The following UBXN2B variants were observed in gnomAD, a reference collection of about 807,000 sequenced individuals.
UBXN2B encodes the protein UBX domain protein 2B.
Under a neutral mutation model 37.5 loss-of-function variants are expected in UBXN2B, and 19 were observed. That is an observed-to-expected ratio of 0.51 (90% CI 0.35 to 0.74). The LOEUF (loss-of-function observed/expected upper bound fraction) is 0.74, where lower values mean the gene tolerates loss of function less well. UBXN2B is among the 30% of genes least tolerant of loss of function. The pLI, the probability that UBXN2B is intolerant of heterozygous loss-of-function variation, is 0.01. For synonymous variants in UBXN2B, 145 were observed against 143.8 expected (o/e 1.01, Z -0.06); for missense variants, 370 against 393.2 (o/e 0.94, Z 0.50).
In UBXN2B at chr8:58,433,790, TAAAA is replaced by T. The variant is rs1364215151; in HGVS notation, c.423+551_423+554del. On this transcript the variant is annotated intron_variant, in intron 4 of 7. Coordinates refer to ENST00000399598, the MANE Select transcript of UBXN2B (RefSeq NM_001077619.2). ...GGATCTTTAAGATAAAAAAATCAAT[TAAAA>T]AAAGAAAAATGAACAAATATATAGT... Among the ~76,000 whole-genome samples, 4 of 151,776 alleles carry T rather than the reference TAAAA, an allele frequency of 2.6e-5. No individual in the cohort carries two copies. In the South Asian group the frequency reaches 8.3e-4, roughly 32 times the overall value.
rs1808791852 is a variant in UBXN2B at position 58,451,170 on chromosome 8, T to C, written c.*3619T>C. ...AAATTATTTGAAATTTTCTTGTTTT[T>C]ATCAGTTGAGTGCCTATAGATGCAC... On this transcript the variant is annotated 3_prime_UTR_variant, in exon 8 of 8. Coordinates refer to ENST00000399598, the MANE Select transcript of UBXN2B (RefSeq NM_001077619.2). The C allele has an allele frequency of 6.6e-6, 1 of 152,626 alleles. No individual in the cohort carries two copies. The highest frequency in any genetic ancestry group is 1.5e-5 in the Non-Finnish European group (1 of 68,042). 9.5% of individuals were successfully genotyped at this position (152,626 alleles called of 1,614,324 possible).
At position 58,428,214 on chromosome 8, in the gene UBXN2B, A is replaced by G. The variant is rs867052493; in HGVS notation, c.189-2305A>G. 5.9e-5 allele frequency among the ~76,000 whole-genome samples: 9 copies of G among 152,342 alleles called. No homozygotes were observed. The Middle Eastern group carries it at 0.01, about 173-fold the overall frequency. On this transcript the variant is annotated intron_variant, in intron 2 of 7. Transcript: ENST00000399598. ...CGGGAAAGATGGGTACCAGTCGCAG[A>G]TAATATGTTTAAGGTTTGGGTAATC...
chr8:58,424,487 C>G, intron 2 of UBXN2B: 1 of 620,180 alleles, frequency 1.6e-6, no homozygotes, highest in Non-Finnish European at 2.9e-6. Context: ...CTTCCAAATC[C>G]AAATTTGGTC....
intron 6 of UBXN2B, 67 bp downstream of exon 6, chr8:58,439,837 CA>C: frequency 6.6e-7 from 1 of 1,522,670 alleles, no homozygotes; most frequent in South Asian, 1.3e-5. Context: ...ATAAGAAAAG[CA>C]AAATGACCTA....
chr8:58,426,550 T>A, intron 2 of UBXN2B: 1 of 749,182 alleles, frequency 1.3e-6, no homozygotes, highest in Non-Finnish European at 2.5e-6. Flanking sequence ...CCATTTCTTC[T>A]AACAAAAAGT....
At chr8:58,420,740 G>A (rs1807904586) in intron 2 of UBXN2B, among the ~76,000 whole-genome samples, 1 of 152,172 alleles carries the variant, frequency 6.6e-6, no homozygotes, top group African/African-American at 2.4e-5. Flanking sequence ...AAAGTTATAT[G>A]ACCCACTAAA....
chr8:58,413,426 G>A (rs1807689178), intron 1 of UBXN2B: 1 of 152,146 alleles, frequency 6.6e-6, no homozygotes, highest in Non-Finnish European at 1.5e-5. Context: ...ATGGTACCTT[G>A]GATATTGATT....
chr8:58,442,058 G>A (rs973409660), intron 6 of UBXN2B, among the ~76,000 whole-genome samples: 3 of 152,098 alleles, frequency 2.0e-5, no homozygotes, highest in African/African-American at 4.8e-5. Context: ...TTCCATCATC[G>A]AAGAAATAAA....
intron 2 of UBXN2B, among the ~76,000 whole-genome samples, chr8:58,419,066 C>T (rs1289576577): frequency 6.6e-6 from 1 of 152,068 alleles, no homozygotes; most frequent in Non-Finnish European, 1.5e-5. Context: ...TTCAGTAATC[C>T]AGTTTGTAAG....
At chr8:58,416,420 T>G (rs1296165910) in intron 1 of UBXN2B, among the ~76,000 whole-genome samples, 1 of 152,132 alleles carries the variant, frequency 6.6e-6, no homozygotes, top group Non-Finnish European at 1.5e-5. Context: ...ACTTCTGAAA[T>G]TGTTTTATAT....
intron 2 of UBXN2B, among the ~76,000 whole-genome samples, chr8:58,429,742 T>G (rs1326065981): frequency 6.6e-6 from 1 of 152,210 alleles, no homozygotes; most frequent in Non-Finnish European, 1.5e-5. Context: ...AATTTGGAAT[T>G]GGATTGGAGA....
intron 4 of UBXN2B, 112 bp from the exon 5 acceptor site, chr8:58,434,283 C>T (rs759147581): frequency 2.5e-5 from 7 of 278,634 alleles, no homozygotes; most frequent in Non-Finnish European, 4.6e-5. Flanking sequence ...TAAGTAAATA[C>T]GTTTTAGGAT....
chr8:58,431,145 G>C (rs1287873406), intron 3 of UBXN2B, among the ~76,000 whole-genome samples: 2 of 152,086 alleles, frequency 1.3e-5, no homozygotes, highest in Non-Finnish European at 2.9e-5. Context: ...CTAACCTCTA[G>C]CCAATACCAG....
intron 1 of UBXN2B, among the ~76,000 whole-genome samples, chr8:58,412,520 A>G (rs1429779677): frequency 6.6e-6 from 1 of 152,228 alleles, no homozygotes; most frequent in Admixed American, 6.5e-5. Context: ...GGCTGGAGAG[A>G]TCAGTGTAAC....
rs577936830 is a variant in UBXN2B, at chr8:58,432,921, A to G, written c.340-239A>G. ...AAAAAGCCTCTATGATAATTTTGAC[A>G]TCCATTGTTGAGAACCACTGCTGTA... is the stretch of plus-strand genomic sequence containing the variant. On this transcript the variant is annotated intron_variant, in intron 3 of 7. Coordinates refer to ENST00000399598, the MANE Select transcript of UBXN2B (RefSeq NM_001077619.2). Among the ~76,000 whole-genome samples, 3 of 152,270 alleles carry G rather than the reference A, an allele frequency of 2.0e-5. No homozygotes were observed. The East Asian group carries it at 5.8e-4, about 29-fold the overall frequency.
intron 6 of UBXN2B, among the ~76,000 whole-genome samples, chr8:58,443,187 T>G (rs2129604604): frequency 6.6e-6 from 1 of 152,306 alleles, no homozygotes; most frequent in East Asian, 1.9e-4. Context: ...CCAGCTTCAT[T>G]GAGAAAATAG....
In UBXN2B at chr8:58,446,779, A is replaced by ATTTTTTTTTTTT. The variant is rs869090698; in HGVS notation, c.834-585_834-574dup. On this transcript the variant is annotated intron_variant, in intron 7 of 7. Coordinates refer to ENST00000399598, the MANE Select transcript of UBXN2B (RefSeq NM_001077619.2). ...ATACTCCGAAAAAAGTACAACCTGCATTTTTTTTTTTTTTTTTTTTTTTTT... is the reference window on the plus strand; with the variant it reads ...ATACTCCGAAAAAAGTACAACCTGCATTTTTTTTTTTTTTTTTTTTTTTTTTTTTTTTTTTTT... Among the ~76,000 whole-genome samples, 157 of 17,400 alleles carry ATTTTTTTTTTTT rather than the reference A, an allele frequency of 9.0e-3. 59 individuals are homozygous for ATTTTTTTTTTTT. The highest frequency in any genetic ancestry group is 0.014 in the East Asian group (7 of 496). 11.4% of individuals were successfully genotyped at this position (17,400 alleles called of 152,430 possible).
chr8:58,446,056 A>G lies in UBXN2B; in HGVS notation c.821A>G (p.Asn274Ser), dbSNP rs370208032. The change falls in exon 7 of 8, where the codon AAT becomes AGT. Residue 274 changes from asparagine (N) to serine (S), a missense_variant. Around this residue, in one of 3 missense-constraint regions of UBXN2B, gnomAD observed 83 missense variants for 83.5 expected, o/e 0.99. Coordinates refer to ENST00000399598, the MANE Select transcript of UBXN2B (RefSeq NM_001077619.2). ...ADGSRLIQRF[N>S]STHRILDVRN... ...GGGAGTCGTTTGATACAAAGATTCA[A>G]TAGTACACACAGGTAAGCTTCTTTA... 43 of 1,610,692 alleles carry G rather than the reference A, an allele frequency of 2.7e-5. No individual in the cohort carries two copies. The highest frequency in any genetic ancestry group is 1.6e-4 in the Middle Eastern group (1 of 6,066).
intron 1 of UBXN2B, among the ~76,000 whole-genome samples, chr8:58,416,259 A>G (rs1807779780): frequency 6.6e-6 from 1 of 152,040 alleles, no homozygotes; most frequent in Non-Finnish European, 1.5e-5. Context: ...TTTGAAATAA[A>G]CTATCCAGCC....
Sources: gnomAD v4.1 joint callset for allele counts (sites outside exome capture counted in the v4.1 genomes callset) on GRCh38, gnomAD v4.1.1 for gene constraint, gnomAD v4.1.1 regional missense constraint, MANE v1.5 for transcripts, NCBI Gene and HGNC (gene_info 2026-07-23, HGNC 2026-07-21) for gene names.